SORT1: variants seen among roughly 807,000 people sequenced by gnomAD.
SORT1 encodes sortilin.
A neutral mutation model predicts 101.7 loss-of-function variants in SORT1; 39 were observed. That is an observed-to-expected ratio of 0.38 (90% confidence interval 0.30 to 0.50). The LOEUF (loss-of-function observed/expected upper bound fraction) is 0.50. SORT1 is among the 20% of genes least tolerant of loss of function. SORT1 has a pLI of 0.90. For synonymous variants in SORT1, 396 were observed against 393.7 expected (o/e 1.01, Z -0.07); for missense variants, 878 against 1,040.4 (o/e 0.84, Z 2.15).
intron 1 of SORT1, among the ~76,000 whole-genome samples, chr1:109,375,268 A>G (rs1389394855): frequency 6.6e-6 from 1 of 151,964 alleles, no homozygotes; most frequent in East Asian, 1.9e-4. Context: ...AGACAGAAAA[A>G]AAAGTTAAGA....
chr1:109,375,366 T>TGAAA (rs1651757497), intron 1 of SORT1, among the ~76,000 whole-genome samples: 1 of 151,360 alleles, frequency 6.6e-6, no homozygotes, highest in Non-Finnish European at 1.5e-5. Flanking sequence ...ATCAAGACCA[T>TGAAA]CCCCGTCTCT....
intron 5 of SORT1, among the ~76,000 whole-genome samples, chr1:109,351,877 T>C (rs1371897572): frequency 6.6e-6 from 1 of 152,100 alleles, no homozygotes; most frequent in African/African-American, 2.4e-5. Flanking sequence ...TCTTGAACAC[T>C]GGCCATGAGG....
chr1:109,326,934 A>G, intron 13 of SORT1, 58 bp downstream of exon 13: 1 of 1,313,174 alleles, frequency 7.6e-7, no homozygotes, highest in East Asian at 2.6e-5. Flanking sequence ...TAAACTGAAG[A>G]ACATTCCCCC....
chr1:109,354,444 C>T lies in SORT1; in HGVS notation c.631G>A (p.Asp211Asn), dbSNP rs755813424. The T allele has an allele frequency of 4.3e-6, 7 of 1,613,228 alleles. No individual in the cohort carries two copies. In the African/African-American group the frequency reaches 6.7e-5, roughly 15 times the overall value. The part of the protein sequence containing the change: ...SDFAKNFVQT[D>N]LPFHPLTQMM... ...TGAGTGAGAGGATGAAAAGGGAGAT[C>T]TGTTTGCACAAAATTCTTCGCAAAA... is the stretch of plus-strand genomic sequence containing the variant. Residue 211 changes from aspartate (D) to asparagine (N), a missense_variant, in exon 5 of 20, where the codon GAT (aspartate) becomes AAT (asparagine). By Grantham distance (23) the Asp-to-Asn change is conservative (BLOSUM62 1). This residue lies in a region of SORT1 where 684 missense variants were observed against 894.5 expected (regional missense o/e 0.76). Coordinates refer to ENST00000256637, the MANE Select transcript of SORT1 (RefSeq NM_002959.7).
intron 10 of SORT1, among the ~76,000 whole-genome samples, chr1:109,338,004 C>T (rs898668021): frequency 6.6e-6 from 1 of 151,958 alleles, no homozygotes; most frequent in African/African-American, 2.4e-5. Flanking sequence ...TCCGGTAGGG[C>T]GAGACAAGCA....
intron 11 of SORT1, among the ~76,000 whole-genome samples, chr1:109,330,609 G>T (rs77575605): frequency 2.0e-5 from 3 of 151,996 alleles, no homozygotes; most frequent in East Asian, 1.9e-4. Flanking sequence ...TTAGCAGAAG[G>T]GAGGAAATAA....
intron 8 of SORT1, among the ~76,000 whole-genome samples, chr1:109,343,082 G>A (rs1649336435): frequency 6.6e-6 from 1 of 152,112 alleles, no homozygotes; most frequent in Non-Finnish European, 1.5e-5. Context: ...AGCATAGGAA[G>A]CTACCTCTGG....
At chr1:109,369,801 C>CA (rs1372432276) in intron 1 of SORT1, among the ~76,000 whole-genome samples, 12 of 152,076 alleles carry the variant, frequency 7.9e-5, no homozygotes, top group African/African-American at 2.9e-4. Context: ...CTCTCTAACA[C>CA]AAAGTAAGCC....
intron 11 of SORT1, among the ~76,000 whole-genome samples, chr1:109,328,539 C>T (rs1206425519): frequency 6.6e-6 from 1 of 152,168 alleles, no homozygotes; most frequent in East Asian, 1.9e-4. Context: ...GGAGAAATGT[C>T]TATACAAGTT....
chr1:109,332,018 T>C (rs1381621963), intron 11 of SORT1, among the ~76,000 whole-genome samples: 1 of 127,400 alleles, frequency 7.8e-6, no homozygotes, highest in African/African-American at 2.8e-5. Flanking sequence ...AAAACATTGA[T>C]GAAAGAAATT....
intron 5 of SORT1, 100 bp downstream of exon 5, chr1:109,354,267 A>G (rs1356791169): frequency 1.2e-6 from 1 of 849,104 alleles, no homozygotes; most frequent in Non-Finnish European, 1.8e-6. Flanking sequence ...GACTTGAAAG[A>G]AGTCCAATAT....
At chr1:109,328,294 AT>A (rs1282226581) in intron 11 of SORT1, among the ~76,000 whole-genome samples, 67 of 151,974 alleles carry the variant, frequency 4.4e-4, no homozygotes, top group Admixed American at 4.3e-3. Context: ...CCTATTTTTA[AT>A]TTTTTTTAGG....
intron 17 of SORT1, among the ~76,000 whole-genome samples, chr1:109,315,930 G>C (rs891339302): frequency 2.6e-5 from 4 of 151,226 alleles, no homozygotes; most frequent in Non-Finnish European, 5.9e-5. Context: ...GCTAATTTTT[G>C]TATTTTTTTT....
At chr1:109,339,679 T>C (rs1292717462) in intron 10 of SORT1, among the ~76,000 whole-genome samples, 1 of 152,224 alleles carries the variant, frequency 6.6e-6, no homozygotes, top group East Asian at 1.9e-4. Context: ...CATTGGTATT[T>C]CCTCCAAAAG....
In SORT1 at chr1:109,354,394, A is replaced by C; in HGVS notation, c.681T>G (p.Ser227=). 6.2e-7 allele frequency: 1 copy of C among 1,613,698 alleles called. No homozygotes were observed. Among genetic ancestry groups the C allele is most frequent in the South Asian group, 1.1e-5 (1 of 91,008 alleles). ...CAGTGCTGAGAGCTAAAAGATAATC[A>C]GAATTCTGAGGGCTATACATCATCT... ...LTQMMYSPQN[S]DYLLALSTEN... is the part of the protein sequence containing the mutation. Residue 227 remains serine (S), a synonymous_variant, in exon 5 of 20, where the codon TCT becomes TCG. Coordinates refer to ENST00000256637, the MANE Select transcript of SORT1 (RefSeq NM_002959.7).
At chr1:109,391,754 A>C (rs1486858871) in intron 1 of SORT1, among the ~76,000 whole-genome samples, 1 of 152,228 alleles carries the variant, frequency 6.6e-6, no homozygotes, top group African/African-American at 2.4e-5. Context: ...ACAAGAACAA[A>C]AAAGCTGCCT....
At chr1:109,319,785 T>C (rs1164081690) in intron 15 of SORT1, among the ~76,000 whole-genome samples, 1 of 151,640 alleles carries the variant, frequency 6.6e-6, no homozygotes, top group Non-Finnish European at 1.5e-5. Context: ...AAGAATCGCT[T>C]GAACCCGGGA....
At chr1:109,368,319 C>A (rs548842321) in intron 2 of SORT1, among the ~76,000 whole-genome samples, 7 of 145,358 alleles carry the variant, frequency 4.8e-5, no homozygotes, top group East Asian at 4.0e-4. Flanking sequence ...AAAAAAAATT[C>A]TTGGAGATAC....
At chr1:109,337,406 T>C (rs957893803) in intron 10 of SORT1, among the ~76,000 whole-genome samples, 1 of 151,718 alleles carries the variant, frequency 6.6e-6, no homozygotes, top group African/African-American at 2.4e-5. Context: ...GCCGCCTGGC[T>C]AATGTTTGGT....
Sources: allele counts gnomAD v4.1 joint callset (sites outside exome capture counted in the v4.1 genomes callset), GRCh38; gene constraint gnomAD v4.1.1; regional missense constraint gnomAD v4.1.1; transcripts MANE v1.5; gene names NCBI Gene and HGNC (gene_info 2026-07-23, HGNC 2026-07-21).